The following NOX5 variants were observed in gnomAD, a reference collection of about 807,000 sequenced individuals.
NOX5 encodes NADPH oxidase 5, also known as NADPH oxidase, EF-hand calcium binding domain 5.
In NOX5, 76 loss-of-function variants were observed where a neutral mutation model predicts 85.7. That is an observed-to-expected ratio of 0.89 (90% CI 0.74 to 1.07). NOX5 has a LOEUF of 1.07. Among genes scored for constraint, NOX5 ranks in the 50% least tolerant of loss-of-function variants. NOX5 has a pLI of 0.00. For missense variants in NOX5, 973 were observed against 999.5 expected (o/e 0.97, Z 0.36); for synonymous variants, 405 against 401.4 (o/e 1.01, Z -0.11).
intron 1 of NOX5, among the ~76,000 whole-genome samples, chr15:69,019,707 C>T (rs1567091767): frequency 6.6e-6 from 1 of 152,176 alleles, no homozygotes; most frequent in Non-Finnish European, 1.5e-5. Flanking sequence ...TTATAGATAA[C>T]GTGGGCGGGC....
chr15:69,047,148 C>A (rs537388266), intron 11 of NOX5: 21 of 559,160 alleles, frequency 3.8e-5, no homozygotes, highest in Middle Eastern at 9.4e-4. Flanking sequence ...TCCTGGGCAC[C>A]CACGGCACAC....
At chr15:69,041,180 A>G (rs2050589818) in intron 9 of NOX5, among the ~76,000 whole-genome samples, 1 of 152,198 alleles carries the variant, frequency 6.6e-6, no homozygotes, top group Admixed American at 6.5e-5. Flanking sequence ...GAATTCAACC[A>G]CCATTCTTGG....
At chr15:69,031,271 A>G (rs760119104) in intron 3 of NOX5, 2 of 537,212 alleles carry the variant, frequency 3.7e-6, no homozygotes, top group Non-Finnish European at 6.6e-6. Flanking sequence ...TTCTGGGCAG[A>G]TAGTCTTGGA....
intron 14 of NOX5, 33 bp from the exon 15 acceptor site, chr15:69,055,301 C>CT: frequency 6.2e-7 from 1 of 1,608,876 alleles, no homozygotes. Flanking sequence ...GGGTACTAGA[C>CT]CCTCAGTGCA....
chr15:69,055,503 A>C lies in NOX5; in HGVS notation c.2166+3A>C. On this transcript the variant is annotated splice_donor_region_variant and intron_variant, in intron 15 of 15. Transcript: ENST00000388866. ...CTGGGCGGCCTGACTGGAGCAAGGT[A>C]ATGCCAACTGGAGCCCTGCAGCTTG... 1 of 1,613,154 alleles carries C rather than the reference A, an allele frequency of 6.2e-7. No individual in the cohort carries two copies. Among genetic ancestry groups the C allele is most frequent in the Non-Finnish European group, 8.5e-7 (1 of 1,179,522 alleles).
chr15:69,037,533 G>T, intron 8 of NOX5: 2 of 295,312 alleles, frequency 6.8e-6, no homozygotes, highest in Non-Finnish European at 1.3e-5. Flanking sequence ...AATAGAGAAG[G>T]TTCTGCACTG....
intron 1 of NOX5, among the ~76,000 whole-genome samples, chr15:69,016,826 A>G (rs2050237459): frequency 6.6e-6 from 1 of 152,028 alleles, no homozygotes; most frequent in African/African-American, 2.4e-5. Flanking sequence ...ATACATACAC[A>G]CACTAAAACA....
chr15:69,037,002 G>A lies in NOX5; in HGVS notation c.1189-26G>A, dbSNP rs377087419. ...ACCCCCCAGGCCTTGAGCTCTGGAAGTTGACTGCCCCCCCTACCCCCATAG... is the reference window on the plus strand; with the variant it reads ...ACCCCCCAGGCCTTGAGCTCTGGAAATTGACTGCCCCCCCTACCCCCATAG... On this transcript the variant is annotated intron_variant, in intron 7 of 15. Transcript: ENST00000388866. 1.9e-6 allele frequency: 3 copies of A among 1,608,700 alleles called. No homozygotes were observed. In the African/African-American group the frequency reaches 4.0e-5, roughly 22 times the overall value.
chr15:69,026,595 G>C lies in NOX5; in HGVS notation c.118G>C (p.Gly40Arg). 6.2e-7 allele frequency: 1 copy of C among 1,614,212 alleles called. No individual in the cohort carries two copies. Residue 40 changes from glycine (G) to arginine (R), a missense_variant, in exon 2 of 16, where the codon GGA becomes CGA. Coordinates refer to ENST00000388866, the MANE Select transcript of NOX5 (RefSeq NM_024505.4). The part of the protein sequence containing the change: ...WVTQQFKTIA[G>R]EDGEISLQEF... ...GACTCAGCAGTTTAAGACCATTGCA[G>C]GAGAAGATGGGGAGATCAGCCTGCA...
intron 10 of NOX5, among the ~76,000 whole-genome samples, chr15:69,044,809 CATT>C (rs2050641703): frequency 6.6e-6 from 1 of 152,234 alleles, no homozygotes; most frequent in Non-Finnish European, 1.5e-5. Flanking sequence ...TTAAAGCTAA[CATT>C]ATCGATTTGT....
chr15:69,033,701 C>CTTT (rs570603838), intron 5 of NOX5, among the ~76,000 whole-genome samples: 17 of 119,284 alleles, frequency 1.4e-4, no homozygotes, highest in East Asian at 2.6e-4. Flanking sequence ...TCTTTTTTTT[C>CTTT]TTTTTTTTTT....
intron 14 of NOX5, among the ~76,000 whole-genome samples, chr15:69,051,931 A>G (rs1222445238): frequency 6.6e-6 from 1 of 152,090 alleles, no homozygotes; most frequent in South Asian, 2.1e-4. Flanking sequence ...TCAAAAATGA[A>G]TGTTTGGCCT....
chr15:69,048,887 A>G (rs1567107011), intron 13 of NOX5, 72 bp from the exon 14 acceptor site: 6 of 1,121,684 alleles, frequency 5.3e-6, no homozygotes, highest in African/African-American at 1.5e-5. Context: ...TATGGGTCCC[A>G]GGGATTACAG....
In NOX5 at chr15:69,035,458, G is replaced by T. The variant is rs1428296901; in HGVS notation, c.960G>T (p.Val320=). ...NIQFHQLMGY[V]VVGLSLVHTV... ...AGTTCCACCAGCTTATGGGCTACGT[G>T]GTAGTGGGGCTGTCCCTCGTGCACA... Residue 320 remains valine, a synonymous_variant, in exon 6 of 16, where the codon GTG becomes GTT. Coordinates refer to ENST00000388866, the MANE Select transcript of NOX5 (RefSeq NM_024505.4). 1 of 1,614,206 alleles carries T rather than the reference G, an allele frequency of 6.2e-7. No homozygotes were observed. Among genetic ancestry groups the T allele is most frequent in the South Asian group, 1.1e-5 (1 of 91,086 alleles).
chr15:69,041,085 G>T (rs1192034792), intron 9 of NOX5, among the ~76,000 whole-genome samples: 1 of 152,204 alleles, frequency 6.6e-6, no homozygotes, highest in Non-Finnish European at 1.5e-5. Context: ...GGGTTCATGT[G>T]GGGGCTGATA....
intron 15 of NOX5, 134 bp from the exon 16 acceptor site, chr15:69,056,431 C>T: frequency 1.8e-6 from 2 of 1,130,904 alleles, no homozygotes; most frequent in Non-Finnish European, 2.5e-6. Context: ...CTGTGCCATG[C>T]AGCTCCCTGT....
intron 10 of NOX5, among the ~76,000 whole-genome samples, chr15:69,044,560 T>C (rs1473798564): frequency 3.9e-5 from 6 of 152,144 alleles, no homozygotes; most frequent in Non-Finnish European, 2.9e-5. Flanking sequence ...ACCTTTACAA[T>C]AGAATATTAA....
chr15:69,034,819 T>A (rs1167273082), intron 5 of NOX5, among the ~76,000 whole-genome samples: 1 of 152,228 alleles, frequency 6.6e-6, no homozygotes, highest in East Asian at 1.9e-4. Flanking sequence ...CATAGGTTGC[T>A]GTAACCTCAA....
chr15:69,017,530 G>A (rs757483189), intron 1 of NOX5, among the ~76,000 whole-genome samples: 2 of 151,986 alleles, frequency 1.3e-5, no homozygotes, highest in East Asian at 1.9e-4. Flanking sequence ...ATCTACCTAC[G>A]ACCCGGAAGC....
Sources: gnomAD v4.1 joint callset for allele counts (sites outside exome capture counted in the v4.1 genomes callset) on GRCh38, gnomAD v4.1.1 for gene constraint, MANE v1.5 for transcripts, NCBI Gene and HGNC (gene_info 2026-07-23, HGNC 2026-07-21) for gene names.